The following PCDHGA2 variants were observed in gnomAD, a reference collection of about 807,000 sequenced individuals.
PCDHGA2 encodes the protein protocadherin gamma-A2.
PCDHGA2 carries 40 observed loss-of-function variants against 59.2 expected under a neutral mutation model. The observed-to-expected ratio is 0.68, with a 90% CI of 0.52 to 0.88. The LOEUF (loss-of-function observed/expected upper bound fraction) is 0.88. Ranked by LOEUF, PCDHGA2 falls within the 40% of genes least tolerant of loss-of-function variation. The probability of loss-of-function intolerance (pLI) is 0.00; values close to 1 mark genes in which losing one functional copy is unlikely to be tolerated. For synonymous variants in PCDHGA2, 560 were observed against 526.0 expected (o/e 1.06, Z -0.89); for missense variants, 1,226 against 1,204.0 (o/e 1.02, Z -0.27).
intron 1 of PCDHGA2, among the ~76,000 whole-genome samples, chr5:141,437,486 G>A (rs530079212): frequency 2.6e-5 from 4 of 152,224 alleles, no homozygotes; most frequent in South Asian, 2.1e-4. Flanking sequence ...ATTTAATCTC[G>A]TAGATCACTT....
chr5:141,503,401 C>A (rs987421198), intron 2 of PCDHGA2, among the ~76,000 whole-genome samples: 15 of 151,848 alleles, frequency 9.9e-5, no homozygotes, highest in Non-Finnish European at 1.9e-4. Context: ...TCGAAACCAA[C>A]CTGGCCAATA....
intron 1 of PCDHGA2, chr5:141,375,345 C>A (rs749825552): frequency 1.9e-6 from 3 of 1,613,740 alleles, no homozygotes; most frequent in Non-Finnish European, 2.5e-6. Context: ...TACAACATCA[C>A]TGTGACAGCC....
chr5:141,365,592 C>G, intron 1 of PCDHGA2: 5 of 1,613,682 alleles, frequency 3.1e-6, no homozygotes, highest in Non-Finnish European at 4.2e-6. Flanking sequence ...TATAATATCA[C>G]TTTAACCGTC....
At chr5:141,423,500 T>A (rs1191111288) in intron 1 of PCDHGA2, 1 of 1,613,732 alleles carries the variant, frequency 6.2e-7, no homozygotes, top group Non-Finnish European at 8.5e-7. Flanking sequence ...TCCCACGAGG[T>A]CTCTCTCATT....
At chr5:141,418,800 GAT>G (rs777421725) in intron 1 of PCDHGA2, 1 of 1,613,800 alleles carries the variant, frequency 6.2e-7, no homozygotes, top group Non-Finnish European at 8.5e-7. Flanking sequence ...GAAGTAGAAA[GAT>G]ATACGATAAA....
chr5:141,433,091 A>G (rs1344906248), intron 1 of PCDHGA2: 2 of 1,614,182 alleles, frequency 1.2e-6, no homozygotes, highest in African/African-American at 1.3e-5. Flanking sequence ...CTATGCAGAC[A>G]TGCTCGTCAG....
rs1226463441 is a variant in PCDHGA2, at chr5:141,432,906, T to A, written c.2425-61901T>A. 6.2e-7 allele frequency: 1 copy of A among 1,614,176 alleles called. No individual in the cohort carries two copies. The highest frequency in any genetic ancestry group is 8.5e-7 in the Non-Finnish European group (1 of 1,180,002). ...GTCATCTTGCTGCTGGCGCTCAGGC[T>A]GCGGCGCTGGCACAAGTCACGCCTG... On this transcript the variant is annotated intron_variant, in intron 1 of 3. Coordinates refer to ENST00000394576, the MANE Select transcript of PCDHGA2 (RefSeq NM_018915.4). The surrounding 1 kb of genome is among the most constrained non-coding windows in gnomAD (Gnocchi z 6.0).
chr5:141,393,473 G>A (rs1190605709), intron 1 of PCDHGA2: 1 of 1,614,044 alleles, frequency 6.2e-7, no homozygotes, highest in East Asian at 2.2e-5. Flanking sequence ...GCGGCAAGCC[G>A]CCTCGCTCTA....
chr5:141,354,761 T>C (rs1759626759), intron 1 of PCDHGA2, among the ~76,000 whole-genome samples: 2 of 152,120 alleles, frequency 1.3e-5, no homozygotes, highest in Non-Finnish European at 2.9e-5. Flanking sequence ...GAACACATCT[T>C]AGGAAAAAAA....
rs770630741 is a variant in PCDHGA2, at chr5:141,381,826, C to CTTTTTT, written c.2424+40448_2424+40453dup. Among the ~76,000 whole-genome samples, 197 of 74,234 alleles carry CTTTTTT rather than the reference C, an allele frequency of 2.7e-3. 2 individuals carry two copies. Among genetic ancestry groups the CTTTTTT allele is most frequent in the African/African-American group, 3.6e-3 (59 of 16,186 alleles). The allele number at this position is 74,234 out of a possible 152,430, so 48.7% of individuals were successfully genotyped here. A position where few individuals can be genotyped will look rare whatever the true frequency, so the allele number is the denominator to read the frequency against. On this transcript the variant is annotated intron_variant, in intron 1 of 3. Coordinates refer to ENST00000394576, the MANE Select transcript of PCDHGA2 (RefSeq NM_018915.4). ...TTTCTTTCTTTCTTTCTTTCTTCTT[C>CTTTTTT]TTTTTTTTTTTTTTTTTTTTTTGGC...
At chr5:141,377,180 A>G (rs1032248697) in intron 1 of PCDHGA2, 4 of 152,210 alleles carry the variant, frequency 2.6e-5, no homozygotes, top group African/African-American at 9.7e-5. Flanking sequence ...TCTTCTTGGC[A>G]AACTATTTGT....
chr5:141,408,965 C>T lies in PCDHGA2; in HGVS notation c.2424+67570C>T, dbSNP rs767484272. The T allele has an allele frequency of 1.5e-5, 25 of 1,613,688 alleles. No homozygotes were observed. The Admixed American group carries it at 4.2e-4, about 27-fold the overall frequency. On this transcript the variant is annotated intron_variant, in intron 1 of 3. Transcript: ENST00000394576. ...ATATAGAATTAGTCTTAGTGAAAATCTGCCCCCTGGGTCCCCTGTGTTGCA... is the reference window on the plus strand; with the variant it reads ...ATATAGAATTAGTCTTAGTGAAAATTTGCCCCCTGGGTCCCCTGTGTTGCA...
chr5:141,381,988 C>A (rs1777837622), intron 1 of PCDHGA2, among the ~76,000 whole-genome samples: 1 of 151,770 alleles, frequency 6.6e-6, no homozygotes, highest in South Asian at 2.1e-4. Flanking sequence ...CGCCACCACG[C>A]CCGGATAATT....
intron 1 of PCDHGA2, among the ~76,000 whole-genome samples, chr5:141,382,171 G>T (rs1325332399): frequency 6.6e-6 from 1 of 151,984 alleles, no homozygotes; most frequent in African/African-American, 2.4e-5. Flanking sequence ...GTGTTAGACC[G>T]TCTCTAAGGT....
chr5:141,403,181 C>G (rs1182793881), intron 1 of PCDHGA2: 2 of 1,614,006 alleles, frequency 1.2e-6, no homozygotes, highest in Non-Finnish European at 1.7e-6. Context: ...GCTTTTCTCT[C>G]TGAACCCGCG....
chr5:141,361,171 G>A (rs750066776), intron 1 of PCDHGA2: 49 of 1,613,824 alleles, frequency 3.0e-5, no homozygotes, highest in South Asian at 1.1e-5. Context: ...TTGTGCACCT[G>A]AAGTTATTGT....
intron 1 of PCDHGA2, among the ~76,000 whole-genome samples, chr5:141,472,267 C>T (rs547832378): frequency 6.6e-5 from 10 of 152,216 alleles, no homozygotes; most frequent in African/African-American, 2.4e-4. Context: ...TATAGCCGGG[C>T]ACAGTGGCTC....
chr5:141,370,752 A>G (rs1561547929), intron 1 of PCDHGA2: 1 of 1,613,836 alleles, frequency 6.2e-7, no homozygotes, highest in African/African-American at 1.3e-5. Flanking sequence ...TTTTCATGTA[A>G]CTGTGCTGAT....
In PCDHGA2 at chr5:141,340,937, G is replaced by A. The variant is rs1355486436; in HGVS notation, c.1966G>A (p.Ala656Thr). The change falls in exon 1 of 4, where the codon GCC (alanine) becomes ACC (threonine). Residue 656 changes from alanine to threonine, a missense_variant. Ala to Thr is a moderately conservative substitution (Grantham distance 58). Transcript: ENST00000394576. Reference protein sequence around the residue: ...IQDHGQPPLSATVTLTVAVAD... With the variant: ...IQDHGQPPLSTTVTLTVAVAD... ...GGACCACGGCCAGCCCCCTCTCTCC[G>A]CCACTGTCACGCTCACCGTGGCCGT... 1 of 1,613,688 alleles carries A rather than the reference G, an allele frequency of 6.2e-7. No homozygotes were observed. Among genetic ancestry groups the A allele is most frequent in the Non-Finnish European group, 8.5e-7 (1 of 1,179,814 alleles).
Sources: allele counts gnomAD v4.1 joint callset (sites outside exome capture counted in the v4.1 genomes callset), GRCh38; gene constraint gnomAD v4.1.1; non-coding constraint Gnocchi (gnomAD v3.1); transcripts MANE v1.5; gene names NCBI Gene and HGNC (gene_info 2026-07-23, HGNC 2026-07-21).